Variants in DCLK1 observed in about 807,000 individuals in gnomAD.
The protein encoded by DCLK1 is serine/threonine-protein kinase DCLK1.
DCLK1 carries 16 observed loss-of-function variants against 86.2 expected under a neutral mutation model. The ratio of observed to expected loss-of-function variants is 0.19; its 90% CI spans 0.13 to 0.28. DCLK1 has a LOEUF of 0.28. Among genes scored for constraint, DCLK1 ranks in the 10% least tolerant of loss-of-function variants. The pLI is 1.00. For synonymous variants in DCLK1, 369 were observed against 370.5 expected, an observed-to-expected ratio of 1.00 and a Z score of 0.05; for missense variants, 590 against 940.2, an observed-to-expected ratio of 0.63 and a Z score of 4.87.
At chr13:35,811,374 G>A (rs1040535861) in intron 11 of DCLK1, among the ~76,000 whole-genome samples, 5 of 151,822 alleles carry the variant, frequency 3.3e-5, no homozygotes, top group Admixed American at 1.3e-4. Flanking sequence ...ACACAGTGCC[G>A]ATGTATCTGT....
chr13:35,782,442 A>G (rs2086544913), intron 16 of DCLK1, among the ~76,000 whole-genome samples: 1 of 152,188 alleles, frequency 6.6e-6, no homozygotes, highest in African/African-American at 2.4e-5. Context: ...CTGCCTTAAG[A>G]AAATCTATGA....
chr13:35,860,490 G>A (rs529479353), intron 5 of DCLK1, among the ~76,000 whole-genome samples: 1 of 152,064 alleles, frequency 6.6e-6, no homozygotes, highest in South Asian at 2.1e-4. Flanking sequence ...TGAGACAATG[G>A]GTCCAATTCA....
chr13:35,890,271 T>C (rs1010090474), intron 4 of DCLK1, among the ~76,000 whole-genome samples: 13 of 152,140 alleles, frequency 8.5e-5, no homozygotes, highest in Admixed American at 2.0e-4. Flanking sequence ...ATAAGCATTA[T>C]AAAAATATGC....
At chr13:36,100,980 AACAGCCC>A (rs1471554579) in intron 3 of DCLK1, among the ~76,000 whole-genome samples, 2 of 152,158 alleles carry the variant, frequency 1.3e-5, no homozygotes, top group Non-Finnish European at 2.9e-5. Flanking sequence ...ACACCTTAAA[AACAGCCC>A]ACATCTTTCC....
chr13:36,122,277 C>A (rs1170576536), intron 2 of DCLK1, among the ~76,000 whole-genome samples: 4 of 152,114 alleles, frequency 2.6e-5, no homozygotes, highest in East Asian at 1.9e-4. Context: ...GCTCCAGAGT[C>A]AGGCAACGTC....
At chr13:35,780,457 G>C (rs1317774082) in intron 16 of DCLK1, among the ~76,000 whole-genome samples, 1 of 152,134 alleles carries the variant, frequency 6.6e-6, no homozygotes, top group African/African-American at 2.4e-5. Context: ...AATTATCACA[G>C]GTTAGAGGTA....
At chr13:36,107,323 T>C (rs1181138141) in intron 3 of DCLK1, among the ~76,000 whole-genome samples, 1 of 147,028 alleles carries the variant, frequency 6.8e-6, no homozygotes, top group African/African-American at 2.5e-5. Flanking sequence ...TCTAGCATGC[T>C]AGCAGTGGTA....
chr13:35,862,897 A>G (rs1410667500), intron 5 of DCLK1, among the ~76,000 whole-genome samples: 1 of 120,702 alleles, frequency 8.3e-6, no homozygotes, highest in Non-Finnish European at 1.8e-5. Context: ...TATTATAGTT[A>G]CATGCATACA....
chr13:36,036,294 C>T (rs114859663), intron 3 of DCLK1, among the ~76,000 whole-genome samples: 2,564 of 152,292 alleles, frequency 0.017, 66 homozygotes, highest in African/African-American at 0.058. Flanking sequence ...AGAGGTAGCC[C>T]TCTCCTCAAG....
chr13:35,798,423 A>C (rs1404178358), intron 15 of DCLK1, among the ~76,000 whole-genome samples: 1 of 152,236 alleles, frequency 6.6e-6, no homozygotes, highest in Non-Finnish European at 1.5e-5. Context: ...GAAGCATGGC[A>C]GTCTTGAGCA....
intron 11 of DCLK1, among the ~76,000 whole-genome samples, chr13:35,820,940 T>A (rs1243048208): frequency 6.6e-6 from 1 of 152,236 alleles, no homozygotes; most frequent in East Asian, 1.9e-4. Context: ...GCTTATCTTT[T>A]CTGCTTCAGC....
chr13:36,109,285 A>G lies in DCLK1; in HGVS notation c.723+2584T>C, dbSNP rs535339624. The stretch of plus-strand genomic sequence containing the variant: ...AACAGTCAGCAGAATGACTGCAGGG[A>G]AAAAAAGGACAGAGCAGAAATGTTT... On this transcript the variant is annotated intron_variant, in intron 3 of 16. Coordinates refer to ENST00000360631, the MANE Select transcript of DCLK1 (RefSeq NM_001330071.2). Among the ~76,000 whole-genome samples, 173 of 152,336 alleles carry G rather than the reference A, an allele frequency of 1.1e-3. 1 individual carries two copies. Among genetic ancestry groups the G allele is most frequent in the African/African-American group, 4.0e-3 (166 of 41,584 alleles).
At chr13:36,094,642 G>A (rs1282379542) in intron 3 of DCLK1, among the ~76,000 whole-genome samples, 1 of 152,132 alleles carries the variant, frequency 6.6e-6, no homozygotes, top group Admixed American at 6.6e-5. Context: ...TAAGACAAAT[G>A]TCGTTACTGC....
chr13:36,092,087 C>G (rs983951580), intron 3 of DCLK1, among the ~76,000 whole-genome samples: 1 of 152,180 alleles, frequency 6.6e-6, no homozygotes, highest in Non-Finnish European at 1.5e-5. Flanking sequence ...TGTTGTCAGA[C>G]AGTCCTTATT....
chr13:35,803,649 A>G (rs566527705), intron 15 of DCLK1, among the ~76,000 whole-genome samples: 87 of 152,270 alleles, frequency 5.7e-4, no homozygotes, highest in African/African-American at 7.0e-4. Context: ...TTGTCCCCCC[A>G]TATGTAGTCA....
intron 3 of DCLK1, among the ~76,000 whole-genome samples, chr13:36,045,766 T>G (rs1272142004): frequency 6.6e-6 from 1 of 151,736 alleles, no homozygotes; most frequent in African/African-American, 2.4e-5. Flanking sequence ...GGCAGGGGGA[T>G]TGCTTGAACC....
chr13:35,876,353 A>AAAC (rs1025685408), intron 4 of DCLK1, among the ~76,000 whole-genome samples: 1 of 152,220 alleles, frequency 6.6e-6, no homozygotes, highest in Admixed American at 6.5e-5. Flanking sequence ...ACAAAAACAG[A>AAAC]AACAACAACA....
At chr13:35,920,976 C>G (rs1875767300) in intron 4 of DCLK1, among the ~76,000 whole-genome samples, 1 of 152,074 alleles carries the variant, frequency 6.6e-6, no homozygotes, top group Non-Finnish European at 1.5e-5. Context: ...CTGCTCCCTG[C>G]CCCCCACGGC....
At chr13:36,125,665 T>C in intron 2 of DCLK1, 97 bp downstream of exon 2, 1 of 1,488,158 alleles carries the variant, frequency 6.7e-7, no homozygotes, top group East Asian at 2.3e-5. Context: ...TAAGGCTGAA[T>C]GTCAACTGTC....
Sources: allele counts gnomAD v4.1 joint callset (sites outside exome capture counted in the v4.1 genomes callset), GRCh38; gene constraint gnomAD v4.1.1; transcripts MANE v1.5; gene names NCBI Gene and HGNC (gene_info 2026-07-23, HGNC 2026-07-21).